CACHD1: variants seen among roughly 807,000 people sequenced by gnomAD.
CACHD1 encodes the protein cache domain containing 1, also known as VWFA and cache domain-containing protein 1.
A neutral mutation model predicts 138.7 loss-of-function variants in CACHD1; 71 were observed. The observed-to-expected ratio is 0.51, with a 90% CI of 0.42 to 0.62. The LOEUF (loss-of-function observed/expected upper bound fraction) is 0.62, where lower values mean the gene tolerates loss of function less well. Among genes scored for constraint, CACHD1 ranks in the 20% least tolerant of loss-of-function variants. CACHD1 has a pLI of 0.00. For missense variants in CACHD1, 1,389 were observed against 1,625.3 expected (o/e 0.85, Z 2.50); for synonymous variants, 578 against 591.5 (o/e 0.98, Z 0.33).
chr1:64,640,468 G>A (rs1648669400), intron 7 of CACHD1, among the ~76,000 whole-genome samples: 2 of 152,238 alleles, frequency 1.3e-5, no homozygotes, highest in East Asian at 1.9e-4. Context: ...TTGAGGTCAG[G>A]AGTTCAAGAC....
chr1:64,664,205 T>G (rs1036514823), intron 14 of CACHD1: 4 of 464,748 alleles, frequency 8.6e-6, no homozygotes, highest in Non-Finnish European at 1.5e-5. Context: ...GAACAAAGCT[T>G]TAGGGTTAGT....
At chr1:64,628,289 T>A (rs1395950192) in intron 4 of CACHD1, among the ~76,000 whole-genome samples, 1 of 152,230 alleles carries the variant, frequency 6.6e-6, no homozygotes, top group Non-Finnish European at 1.5e-5. Flanking sequence ...TTCCCCCCAC[T>A]GAATTTCTTT....
At chr1:64,588,295 C>G (rs921540172) in intron 3 of CACHD1, among the ~76,000 whole-genome samples, 1 of 152,146 alleles carries the variant, frequency 6.6e-6, no homozygotes, top group Non-Finnish European at 1.5e-5. Context: ...TTAGGCATAA[C>G]ACTAAGAATA....
intron 1 of CACHD1, among the ~76,000 whole-genome samples, chr1:64,499,539 G>A (rs562339928): frequency 3.5e-4 from 53 of 152,298 alleles, no homozygotes; most frequent in African/African-American, 1.0e-3. Context: ...TCTGGGCTCC[G>A]CAGAATTCAA....
chr1:64,604,040 C>A (rs952453614), intron 4 of CACHD1, among the ~76,000 whole-genome samples: 3 of 152,192 alleles, frequency 2.0e-5, no homozygotes, highest in African/African-American at 7.2e-5. Flanking sequence ...AATTCCAGGT[C>A]TCATGTAGAC....
In CACHD1 at chr1:64,691,443, A is replaced by G. The variant is rs137924739; in HGVS notation, c.3707A>G (p.Gln1236Arg). ...GACTTAGACCTGGATACCCCCCCTCAGACTGCTGCCCTACTAAGTCACAAG... is the reference window on the plus strand; with the variant it reads ...GACTTAGACCTGGATACCCCCCCTCGGACTGCTGCCCTACTAAGTCACAAG... ...DEDLDLDTPP[Q>R]TAALLSHKFH... Residue 1236 changes from glutamine to arginine, a missense_variant, in exon 27 of 27, where the codon CAG (glutamine) becomes CGG (arginine). Transcript: ENST00000651257. The G allele has an allele frequency of 6.5e-5, 105 of 1,613,946 alleles. No individual in the cohort carries two copies. The highest frequency in any genetic ancestry group is 7.4e-5 in the Non-Finnish European group (87 of 1,179,994).
intron 10 of CACHD1, 90 bp from the exon 11 acceptor site, chr1:64,653,668 C>T: frequency 6.6e-6 from 9 of 1,354,632 alleles, no homozygotes; most frequent in Non-Finnish European, 9.1e-6. Flanking sequence ...ATCGGGCAGC[C>T]AGCCCAGAGT....
chr1:64,506,873 C>T (rs1405821490), intron 1 of CACHD1, among the ~76,000 whole-genome samples: 4 of 152,186 alleles, frequency 2.6e-5, no homozygotes, highest in Non-Finnish European at 5.9e-5. Context: ...GTAGCTCCCC[C>T]ATTAGAGCAT....
chr1:64,515,531 C>T (rs1381401630), intron 1 of CACHD1, among the ~76,000 whole-genome samples: 3 of 151,952 alleles, frequency 2.0e-5, no homozygotes, highest in Admixed American at 2.0e-4. Context: ...GCATTTTTTC[C>T]CTTCTTAAAT....
At chr1:64,653,215 A>G (rs1241866901) in intron 10 of CACHD1, among the ~76,000 whole-genome samples, 2 of 151,768 alleles carry the variant, frequency 1.3e-5, no homozygotes, top group Non-Finnish European at 2.9e-5. Flanking sequence ...GACAACAGAT[A>G]CTGAGGCTAC....
At chr1:64,513,404 TATAAG>T (rs1355671516) in intron 1 of CACHD1, among the ~76,000 whole-genome samples, 3 of 152,214 alleles carry the variant, frequency 2.0e-5, no homozygotes, top group Non-Finnish European at 4.4e-5. Context: ...GCCATAGAGC[TATAAG>T]ATAACTACTA....
intron 1 of CACHD1, 61 bp downstream of exon 1, chr1:64,471,003 C>A: frequency 6.7e-7 from 1 of 1,487,404 alleles, no homozygotes; most frequent in Non-Finnish European, 9.1e-7. Context: ...ACTCCCATCC[C>A]ACTCCCGGTA....
chr1:64,618,491 A>G (rs1328891258), intron 4 of CACHD1, among the ~76,000 whole-genome samples: 1 of 152,206 alleles, frequency 6.6e-6, no homozygotes. Flanking sequence ...GACGTAATGT[A>G]GATAAAAGCC....
chr1:64,551,272 G>A (rs919745819), intron 2 of CACHD1, among the ~76,000 whole-genome samples: 2 of 151,110 alleles, frequency 1.3e-5, no homozygotes, highest in African/African-American at 4.9e-5. Context: ...GTTCTCTGTG[G>A]AGTCAAGAAG....
chr1:64,551,174 A>C (rs912311261), intron 2 of CACHD1, among the ~76,000 whole-genome samples: 1 of 152,088 alleles, frequency 6.6e-6, no homozygotes, highest in Admixed American at 6.5e-5. Flanking sequence ...GCATAGAAGC[A>C]GCTCATTGGA....
intron 1 of CACHD1, among the ~76,000 whole-genome samples, chr1:64,524,069 T>C (rs1646518734): frequency 6.6e-6 from 1 of 152,208 alleles, no homozygotes; most frequent in Non-Finnish European, 1.5e-5. Flanking sequence ...TTCTATGCTT[T>C]ATTCTTGGTT....
intron 14 of CACHD1, 130 bp downstream of exon 14, chr1:64,663,967 T>A: frequency 8.2e-7 from 1 of 1,225,850 alleles, no homozygotes; most frequent in Non-Finnish European, 1.1e-6. Flanking sequence ...AGCTGCAGAG[T>A]GTGTGGCCCA....
Position 64,673,418 on chromosome 1 carries a change from G to A in CACHD1, c.2681G>A (p.Ser894Asn), listed in dbSNP as rs775481834. 2.5e-6 allele frequency: 4 copies of A among 1,614,154 alleles called. No homozygotes were observed. The highest frequency in any genetic ancestry group is 3.4e-6 in the Non-Finnish European group (4 of 1,180,012). ...FVKKNLCNSF[S>N]DRTVQRFYKF... ...AAGAAAAACCTGTGCAACAGCTTCA[G>A]TGACAGAACGGTCCAGAGGTTTTAT... The change falls in exon 19 of 27, where the codon AGT becomes AAT. Residue 894 changes from serine to asparagine, a missense_variant. By Grantham distance (46) the Ser-to-Asn change is conservative. Coordinates refer to ENST00000651257, the MANE Select transcript of CACHD1 (RefSeq NM_020925.4).
chr1:64,687,639 T>C (rs1650410404), intron 26 of CACHD1, among the ~76,000 whole-genome samples: 3 of 152,112 alleles, frequency 2.0e-5, no homozygotes, highest in African/African-American at 4.8e-5. Flanking sequence ...AGAGTGTCAC[T>C]GGACTCTGTC....
Sources: allele counts gnomAD v4.1 joint callset (sites outside exome capture counted in the v4.1 genomes callset), GRCh38; gene constraint gnomAD v4.1.1; transcripts MANE v1.5; gene names NCBI Gene and HGNC (gene_info 2026-07-23, HGNC 2026-07-21).